The following TAFA2 variants were observed in gnomAD, a reference collection of about 807,000 sequenced individuals.
TAFA2 encodes the protein TAFA chemokine like family member 2.
TAFA2 carries 7 observed loss-of-function variants against 18.8 expected under a neutral mutation model. That is an observed-to-expected ratio of 0.37 (90% CI 0.21 to 0.70). The LOEUF is 0.70. Among genes scored for constraint, TAFA2 ranks in the 30% least tolerant of loss-of-function variants. TAFA2 has a pLI of 0.53. For synonymous variants in TAFA2, 60 were observed against 54.2 expected, an observed-to-expected ratio of 1.11 and a Z score of -0.47; for missense variants, 122 against 158.1, an observed-to-expected ratio of 0.77 and a Z score of 1.23.
chr12:61,781,311 A>G (rs1362041859), intron 2 of TAFA2, among the ~76,000 whole-genome samples: 1 of 151,752 alleles, frequency 6.6e-6, no homozygotes, highest in Non-Finnish European at 1.5e-5. Context: ...AGGATTTACC[A>G]CTTTGCCTAG....
chr12:62,051,735 C>T lies in TAFA2; in HGVS notation c.-2+139524G>A, dbSNP rs150927162. Reference sequence around the variant, plus strand: ...AGAGAGGTGACAGGTGTGCATAGTGCCTGATTCACTGGGGGCACTAAGTAA... The same window carrying T: ...AGAGAGGTGACAGGTGTGCATAGTGTCTGATTCACTGGGGGCACTAAGTAA... On this transcript the variant is annotated intron_variant, in intron 1 of 4. Transcript: ENST00000416284. Among the ~76,000 whole-genome samples the T allele has an allele frequency of 1.5e-3, 221 of 151,712 alleles. 1 individual carries two copies. Among genetic ancestry groups the T allele is most frequent in the Non-Finnish European group, 1.7e-3 (116 of 67,864 alleles).
intron 1 of TAFA2, among the ~76,000 whole-genome samples, chr12:62,037,024 A>G (rs1247764397): frequency 6.6e-6 from 1 of 152,236 alleles, no homozygotes; most frequent in Non-Finnish European, 1.5e-5. Context: ...GGTATTTATT[A>G]TGTAATTTAA....
intron 4 of TAFA2, among the ~76,000 whole-genome samples, chr12:61,728,599 G>T (rs1291943285): frequency 6.6e-6 from 1 of 151,618 alleles, no homozygotes; most frequent in Non-Finnish European, 1.5e-5. Context: ...CCACCCCTTT[G>T]CCTTAAGTTT....
At chr12:61,913,010 T>C (rs1242491506) in intron 1 of TAFA2, among the ~76,000 whole-genome samples, 1 of 152,128 alleles carries the variant, frequency 6.6e-6, no homozygotes. Context: ...GGAGTAGTAA[T>C]GAGTATGGTA....
upstream of TAFA2, among the ~76,000 whole-genome samples, chr12:62,196,046 C>A (rs998682239): frequency 6.6e-6 from 1 of 152,202 alleles, no homozygotes; most frequent in Admixed American, 6.5e-5. Flanking sequence ...CAGCTTCTAC[C>A]TAAGCACTTA....
intron 2 of TAFA2, among the ~76,000 whole-genome samples, chr12:61,793,961 T>A (rs1466961316): frequency 1.3e-5 from 2 of 151,902 alleles, no homozygotes; most frequent in Admixed American, 1.3e-4. Flanking sequence ...ATGAGCTGAA[T>A]AAATTCAACA....
chr12:61,991,007 C>T (rs1019208039), intron 1 of TAFA2, among the ~76,000 whole-genome samples: 60 of 152,138 alleles, frequency 3.9e-4, no homozygotes, highest in Middle Eastern at 3.2e-3. Flanking sequence ...CATAAATTAA[C>T]TGTGCATGGG....
At chr12:62,174,439 TATC>T (rs1389241742) in intron 1 of TAFA2, among the ~76,000 whole-genome samples, 2 of 152,024 alleles carry the variant, frequency 1.3e-5, no homozygotes, top group Non-Finnish European at 2.9e-5. Flanking sequence ...TTAAAGAAAG[TATC>T]ATAGAAATAA....
At chr12:61,847,357 T>C (rs1435599086) in intron 2 of TAFA2, among the ~76,000 whole-genome samples, 1 of 152,156 alleles carries the variant, frequency 6.6e-6, no homozygotes, top group Non-Finnish European at 1.5e-5. Context: ...AAGTAGTATC[T>C]GGTACAAATA....
intron 1 of TAFA2, among the ~76,000 whole-genome samples, chr12:62,231,718 A>G (rs138796145): frequency 9.3e-4 from 141 of 152,330 alleles, no homozygotes; most frequent in African/African-American, 3.2e-3. Context: ...TTAAGTTTAA[A>G]ACCAAACAAA....
chr12:61,997,867 A>C (rs1880251946), intron 1 of TAFA2, among the ~76,000 whole-genome samples: 1 of 152,178 alleles, frequency 6.6e-6, no homozygotes, highest in Non-Finnish European at 1.5e-5. Flanking sequence ...GTTAATTTTA[A>C]ATGTTTTTTA....
At chr12:61,978,812 A>G (rs138580079) in intron 1 of TAFA2, among the ~76,000 whole-genome samples, 28 of 152,250 alleles carry the variant, frequency 1.8e-4, no homozygotes, top group African/African-American at 6.3e-4. Flanking sequence ...TCATACTTCA[A>G]GAAACTGCAA....
intron 1 of TAFA2, among the ~76,000 whole-genome samples, chr12:62,185,908 C>T (rs890187306): frequency 7.2e-5 from 11 of 152,182 alleles, no homozygotes; most frequent in African/African-American, 2.4e-4. Flanking sequence ...CCTATAACCA[C>T]ATAACCCTTT....
chr12:61,952,342 T>C (rs1878498834), intron 1 of TAFA2, among the ~76,000 whole-genome samples: 1 of 152,178 alleles, frequency 6.6e-6, no homozygotes, highest in Non-Finnish European at 1.5e-5. Flanking sequence ...AAAGGATTAA[T>C]AAAATGTAAA....
chr12:62,253,319 C>T (rs1192614686), intron 1 of TAFA2: 1 of 152,188 alleles, frequency 6.6e-6, no homozygotes, highest in Non-Finnish European at 1.5e-5. Context: ...TAGGTCCATC[C>T]ACATACTTTC....
At chr12:61,919,737 G>A (rs1019534567) in intron 1 of TAFA2, among the ~76,000 whole-genome samples, 3 of 151,246 alleles carry the variant, frequency 2.0e-5, no homozygotes, top group African/African-American at 7.3e-5. Flanking sequence ...TTGTATCACT[G>A]TATTTTTAGT....
chr12:62,048,133 C>T (rs1881957262), intron 1 of TAFA2, among the ~76,000 whole-genome samples: 1 of 152,164 alleles, frequency 6.6e-6, no homozygotes, highest in Admixed American at 6.5e-5. Context: ...TTGTATTAGT[C>T]TGTTTTCACA....
intron 1 of TAFA2, among the ~76,000 whole-genome samples, chr12:61,986,208 A>G (rs1341730078): frequency 1.8e-5 from 2 of 111,750 alleles, no homozygotes; most frequent in African/African-American, 3.6e-5. Flanking sequence ...TCACTCGCCC[A>G]GGCTGGAGTT....
chr12:61,904,348 G>A (rs1876245904), intron 1 of TAFA2, among the ~76,000 whole-genome samples: 1 of 152,110 alleles, frequency 6.6e-6, no homozygotes, highest in South Asian at 2.1e-4. Context: ...TTAAGAGGCA[G>A]AGTAGAAAAG....
Sources: gnomAD v4.1 joint callset for allele counts (sites outside exome capture counted in the v4.1 genomes callset) on GRCh38, gnomAD v4.1.1 for gene constraint, MANE v1.5 for transcripts, NCBI Gene and HGNC (gene_info 2026-07-23, HGNC 2026-07-21) for gene names.